FRMD4A: variants seen among roughly 807,000 people sequenced by gnomAD.
The protein encoded by FRMD4A is FERM domain-containing protein 4A.
Under a neutral mutation model 129.1 loss-of-function variants are expected in FRMD4A, and 29 were observed. The observed-to-expected ratio is 0.22, with a 90% CI of 0.17 to 0.31. FRMD4A has a LOEUF of 0.31. Among genes scored for constraint, FRMD4A ranks in the 10% least tolerant of loss-of-function variants. The probability of loss-of-function intolerance (pLI) is 1.00; values close to 1 mark genes in which losing one functional copy is unlikely to be tolerated. For synonymous variants in FRMD4A, 634 were observed against 571.6 expected, an observed-to-expected ratio of 1.11 and a Z score of -1.56; for missense variants, 1,272 against 1,375.8, an observed-to-expected ratio of 0.92 and a Z score of 1.19.
Position 14,200,028 on chromosome 10 carries a change from GTT to G in FRMD4A, c.45+130028_45+130029del, listed in dbSNP as rs11293134. ...CCTTGCTTATTTATTAATTTGTTTT[GTT>G]TTTTTTTTTTTGGAGACAGGGTCTT... On this transcript the variant is annotated intron_variant, in intron 2 of 24. Transcript: ENST00000357447. 3.0e-3 allele frequency among the ~76,000 whole-genome samples: 393 copies of G among 130,432 alleles called. 4 individuals are homozygous for G. Among genetic ancestry groups the G allele is most frequent in the African/African-American group, 9.3e-3 (339 of 36,568 alleles). The allele number at this position is 130,432 out of a possible 152,430, so 85.6% of individuals were successfully genotyped here.
chr10:13,963,148 C>G (rs2095457330), intron 2 of FRMD4A, among the ~76,000 whole-genome samples: 1 of 152,170 alleles, frequency 6.6e-6, no homozygotes. Context: ...AACACATCTT[C>G]CTTTACTGAC....
intron 2 of FRMD4A, among the ~76,000 whole-genome samples, chr10:14,026,140 C>A (rs1421492773): frequency 6.6e-6 from 1 of 152,134 alleles, no homozygotes; most frequent in Non-Finnish European, 1.5e-5. Context: ...GAAGGTGGGC[C>A]TCATGAGATC....
At chr10:14,053,327 A>G (rs1834353048) in intron 2 of FRMD4A, among the ~76,000 whole-genome samples, 1 of 152,102 alleles carries the variant, frequency 6.6e-6, no homozygotes, top group Non-Finnish European at 1.5e-5. Flanking sequence ...CCTGTGAGTA[A>G]TTCTCCTTCC....
chr10:13,878,222 C>CAAAAAA (rs34559071), intron 2 of FRMD4A, among the ~76,000 whole-genome samples: 1 of 91,334 alleles, frequency 1.1e-5, no homozygotes, highest in Non-Finnish European at 2.2e-5. Flanking sequence ...CTACTTGTAG[C>CAAAAAA]AAAAAAAAAA....
intron 2 of FRMD4A, among the ~76,000 whole-genome samples, chr10:14,197,006 T>C (rs982798088): frequency 6.6e-6 from 1 of 152,138 alleles, no homozygotes; most frequent in African/African-American, 2.4e-5. Context: ...ATTGGGTGAA[T>C]CCTAGAATTG....
chr10:13,949,831 C>T (rs2095359678), intron 2 of FRMD4A, among the ~76,000 whole-genome samples: 1 of 152,198 alleles, frequency 6.6e-6, no homozygotes, highest in Non-Finnish European at 1.5e-5. Context: ...TGACAAGGCT[C>T]AAGCTGCACC....
intron 2 of FRMD4A, among the ~76,000 whole-genome samples, chr10:14,174,099 G>C (rs897045705): frequency 2.0e-5 from 3 of 151,960 alleles, no homozygotes; most frequent in African/African-American, 7.3e-5. Flanking sequence ...CTCTCTGTGT[G>C]CCGTGCTTAA....
intron 2 of FRMD4A, among the ~76,000 whole-genome samples, chr10:14,225,089 T>A (rs2131978549): frequency 1.3e-5 from 2 of 152,298 alleles, no homozygotes; most frequent in African/African-American, 4.8e-5. Flanking sequence ...CTTATTAGAA[T>A]TAGCAGGAAC....
At chr10:13,812,606 A>C (rs1310784725) in intron 3 of FRMD4A, among the ~76,000 whole-genome samples, 2 of 152,224 alleles carry the variant, frequency 1.3e-5, no homozygotes, top group Non-Finnish European at 2.9e-5. Flanking sequence ...ACACGGAGTA[A>C]GAGCTAGCGC....
intron 2 of FRMD4A, among the ~76,000 whole-genome samples, chr10:14,306,652 T>C (rs564542745): frequency 6.6e-6 from 1 of 152,360 alleles, no homozygotes; most frequent in East Asian, 1.9e-4. Context: ...GTTCATTGTT[T>C]GATCCTATGC....
At chr10:14,236,129 C>T (rs575009946) in intron 2 of FRMD4A, among the ~76,000 whole-genome samples, 79 of 152,312 alleles carry the variant, frequency 5.2e-4, no homozygotes, top group Admixed American at 1.2e-3. Flanking sequence ...GGATGCTCTT[C>T]GCGCACTTGC....
chr10:13,980,697 G>C (rs1485043449), intron 2 of FRMD4A, among the ~76,000 whole-genome samples: 1 of 152,170 alleles, frequency 6.6e-6, no homozygotes, highest in East Asian at 1.9e-4. Context: ...TCCAGCTTGG[G>C]CAACAGAGTG....
At chr10:13,843,874 C>A (rs1431928990) in intron 3 of FRMD4A, among the ~76,000 whole-genome samples, 1 of 152,180 alleles carries the variant, frequency 6.6e-6, no homozygotes, top group African/African-American at 2.4e-5. Flanking sequence ...GCAGTGTAAC[C>A]ACTCCCTGCA....
chr10:14,135,762 A>G (rs1017229323), intron 2 of FRMD4A, among the ~76,000 whole-genome samples: 2 of 152,204 alleles, frequency 1.3e-5, no homozygotes, highest in South Asian at 4.1e-4. Flanking sequence ...TTAAACTATG[A>G]TGCCTGATTC....
At chr10:13,750,109 GAA>G (rs2091524962) in intron 8 of FRMD4A, among the ~76,000 whole-genome samples, 1 of 73,578 alleles carries the variant, frequency 1.4e-5, no homozygotes, top group African/African-American at 5.8e-5. Flanking sequence ...AGAAAGAAAT[GAA>G]GAAAGAAAGA....
At chr10:14,303,123 T>A (rs1334705643) in intron 2 of FRMD4A, among the ~76,000 whole-genome samples, 1 of 152,194 alleles carries the variant, frequency 6.6e-6, no homozygotes, top group East Asian at 1.9e-4. Context: ...AAAACGCCGA[T>A]GCTCACATTC....
At chr10:14,238,482 C>T (rs1843912935) in intron 2 of FRMD4A, among the ~76,000 whole-genome samples, 1 of 152,144 alleles carries the variant, frequency 6.6e-6, no homozygotes, top group African/African-American at 2.4e-5. Context: ...GTTCCCCCTT[C>T]CTTTTTGAGC....
At chr10:13,891,762 C>T (rs1444446823) in intron 2 of FRMD4A, 11 of 982,100 alleles carry the variant, frequency 1.1e-5, no homozygotes, top group Non-Finnish European at 1.3e-5. Context: ...TGGCGAGCCC[C>T]CGCCCCGTCC....
At chr10:13,663,652 T>C (rs565745504) in intron 18 of FRMD4A, 143 bp from the exon 19 acceptor site, 11 of 629,480 alleles carry the variant, frequency 1.7e-5, no homozygotes, top group Non-Finnish European at 2.9e-5. Context: ...AAAAATGCTG[T>C]TGGGTGTTTC....
Sources: gnomAD v4.1 joint callset for allele counts (sites outside exome capture counted in the v4.1 genomes callset) on GRCh38, gnomAD v4.1.1 for gene constraint, MANE v1.5 for transcripts, NCBI Gene and HGNC (gene_info 2026-07-23, HGNC 2026-07-21) for gene names.